Variants in DCC observed in about 807,000 individuals in gnomAD.
The protein encoded by DCC is DCC netrin 1 receptor.
Under a neutral mutation model 172.5 loss-of-function variants are expected in DCC, and 58 were observed. The ratio of observed to expected loss-of-function variants is 0.34; its 90% CI spans 0.27 to 0.42. The LOEUF is 0.42. Ranked by LOEUF, DCC falls within the 10% of genes least tolerant of loss-of-function variation. The pLI is 1.00. For synonymous variants in DCC, 709 were observed against 644.5 expected (o/e 1.10, Z -1.52); for missense variants, 1,740 against 1,791.0 (o/e 0.97, Z 0.51).
chr18:52,348,335 C>T (rs1004127758), intron 1 of DCC, among the ~76,000 whole-genome samples: 1 of 152,120 alleles, frequency 6.6e-6, no homozygotes, highest in Admixed American at 6.5e-5. Context: ...AGGGTGCATA[C>T]CTAGGAGTGG....
intron 26 of DCC, among the ~76,000 whole-genome samples, chr18:53,490,200 T>A (rs1295460266): frequency 6.6e-6 from 1 of 151,206 alleles, no homozygotes; most frequent in East Asian, 1.9e-4. Flanking sequence ...ATGGAGTTCA[T>A]AGAGTAATCT....
At chr18:53,527,404 T>G (rs939872140) in intron 28 of DCC, among the ~76,000 whole-genome samples, 2 of 151,680 alleles carry the variant, frequency 1.3e-5, no homozygotes, top group East Asian at 3.9e-4. Flanking sequence ...TCTCTAAAAT[T>G]AAAAAAATAT....
At chr18:53,341,498 G>A (rs1599041589) in intron 15 of DCC, among the ~76,000 whole-genome samples, 1 of 152,134 alleles carries the variant, frequency 6.6e-6, no homozygotes, top group Non-Finnish European at 1.5e-5. Context: ...GGTAAATTGG[G>A]ATATGAACCT....
rs2033164873 is a variant in DCC at position 52,566,519 on chromosome 18, A to G, written c.92-185535A>G. ...GTATTCCAGAACTTAAAGAATAATA[A>G]ACAAAAATTGAAATTTGGACATTTA... is the stretch of plus-strand genomic sequence containing the variant. On this transcript the variant is annotated intron_variant, in intron 1 of 28. Transcript: ENST00000442544. Among the ~76,000 whole-genome samples the G allele has an allele frequency of 3.3e-5, 5 of 152,096 alleles. No homozygotes were observed. In the South Asian group the frequency reaches 1.0e-3, roughly 31 times the overall value.
chr18:53,229,099 C>G (rs569072843), intron 12 of DCC, among the ~76,000 whole-genome samples: 2 of 152,028 alleles, frequency 1.3e-5, no homozygotes, highest in South Asian at 4.2e-4. Flanking sequence ...AAATTGTAGT[C>G]CAAATAGTAT....
At chr18:52,842,127 A>C (rs2038817425) in intron 2 of DCC, among the ~76,000 whole-genome samples, 1 of 152,194 alleles carries the variant, frequency 6.6e-6, no homozygotes, top group Non-Finnish European at 1.5e-5. Context: ...TTGAATGTGT[A>C]CAGTAACTGT....
chr18:53,427,169 C>A (rs1009305935), intron 21 of DCC, among the ~76,000 whole-genome samples: 7 of 152,110 alleles, frequency 4.6e-5, no homozygotes, highest in Admixed American at 4.6e-4. Context: ...AATGAACTAG[C>A]TCTTGGAAAT....
chr18:53,314,338 G>A (rs996994957), intron 13 of DCC, among the ~76,000 whole-genome samples: 4 of 152,152 alleles, frequency 2.6e-5, no homozygotes, highest in South Asian at 2.1e-4. Context: ...AAAAGTTACC[G>A]AATTTAGAAT....
intron 22 of DCC, 115 bp from the exon 23 acceptor site, chr18:53,450,384 AC>A: frequency 9.2e-7 from 1 of 1,081,452 alleles, no homozygotes; most frequent in Admixed American, 1.8e-5. Flanking sequence ...TCCCATCACT[AC>A]CCCTAAGTTC....
At chr18:52,896,628 G>C (rs2145430637) in intron 2 of DCC, among the ~76,000 whole-genome samples, 1 of 152,302 alleles carries the variant, frequency 6.6e-6, no homozygotes, top group Non-Finnish European at 1.5e-5. Context: ...GCTCAGAATA[G>C]ATATTATAAT....
At chr18:53,351,395 T>C (rs368319399) in intron 15 of DCC, among the ~76,000 whole-genome samples, 597 of 29,738 alleles carry the variant, frequency 0.02, 68 homozygotes, top group Non-Finnish European at 0.025. Context: ...TATATATATA[T>C]ACAGTGTATA....
intron 5 of DCC, among the ~76,000 whole-genome samples, chr18:52,967,254 C>G (rs1247344857): frequency 6.6e-6 from 1 of 152,110 alleles, no homozygotes; most frequent in Admixed American, 6.6e-5. Flanking sequence ...ACTTCATGGC[C>G]TCATTCTTTT....
At chr18:52,402,227 G>A (rs1986467053) in intron 1 of DCC, among the ~76,000 whole-genome samples, 1 of 151,938 alleles carries the variant, frequency 6.6e-6, no homozygotes, top group Admixed American at 6.6e-5. Context: ...TTACTTTGGT[G>A]GTAGTATAGT....
intron 1 of DCC, among the ~76,000 whole-genome samples, chr18:52,711,165 T>A (rs2036285373): frequency 6.6e-6 from 1 of 152,214 alleles, no homozygotes; most frequent in South Asian, 2.1e-4. Context: ...ATTTATTTAT[T>A]TATTTGTTTA....
intron 24 of DCC, among the ~76,000 whole-genome samples, chr18:53,464,802 G>A (rs1299625208): frequency 6.6e-6 from 1 of 151,578 alleles, no homozygotes; most frequent in Admixed American, 6.6e-5. Flanking sequence ...CCAACATGGA[G>A]AAACCCCTCT....
chr18:52,969,465 A>G (rs2040987462), intron 5 of DCC, among the ~76,000 whole-genome samples: 1 of 152,012 alleles, frequency 6.6e-6, no homozygotes. Flanking sequence ...TCAGCCAACA[A>G]TGATTCTTTA....
chr18:53,323,311 T>C (rs2057432601), intron 14 of DCC, among the ~76,000 whole-genome samples: 1 of 152,182 alleles, frequency 6.6e-6, no homozygotes, highest in African/African-American at 2.4e-5. Flanking sequence ...TCATTAATGA[T>C]TTTTCTATAG....
At chr18:53,077,360 T>G (rs944451097) in intron 7 of DCC, among the ~76,000 whole-genome samples, 4 of 152,136 alleles carry the variant, frequency 2.6e-5, no homozygotes, top group Non-Finnish European at 5.9e-5. Flanking sequence ...GCCATCCAAT[T>G]TGGGGTGTAC....
intron 1 of DCC, among the ~76,000 whole-genome samples, chr18:52,632,595 T>C (rs2034697579): frequency 1.3e-5 from 2 of 152,334 alleles, no homozygotes; most frequent in South Asian, 4.1e-4. Context: ...CTGGACTCAC[T>C]AGTCATTTCA....
Sources: allele counts gnomAD v4.1 joint callset (sites outside exome capture counted in the v4.1 genomes callset), GRCh38; gene constraint gnomAD v4.1.1; transcripts MANE v1.5; gene names NCBI Gene and HGNC (gene_info 2026-07-23, HGNC 2026-07-21).